The following SEMA3E variants were observed in gnomAD, a reference collection of about 807,000 sequenced individuals.
SEMA3E encodes semaphorin 3E.
Under a neutral mutation model 93.6 loss-of-function variants are expected in SEMA3E, and 49 were observed. The observed-to-expected ratio is 0.52, with a 90% CI of 0.42 to 0.66. The LOEUF is 0.66. Ranked by LOEUF, SEMA3E falls within the 30% of genes least tolerant of loss-of-function variation. The pLI, the probability that SEMA3E is intolerant of heterozygous loss-of-function variation, is 0.00. For missense variants in SEMA3E, 906 were observed against 964.8 expected (o/e 0.94, Z 0.81); for synonymous variants, 363 against 330.7 (o/e 1.10, Z -1.06).
chr7:83,573,786 A>G (rs1022815712), intron 1 of SEMA3E, among the ~76,000 whole-genome samples: 1 of 151,970 alleles, frequency 6.6e-6, no homozygotes, highest in Non-Finnish European at 1.5e-5. Context: ...AATAAAAATA[A>G]CTGCTTATTA....
chr7:83,379,290 G>C (rs1265400170), intron 16 of SEMA3E, among the ~76,000 whole-genome samples: 4 of 151,372 alleles, frequency 2.6e-5, no homozygotes, highest in African/African-American at 9.7e-5. Context: ...TACCTATTGG[G>C]TATAATGCTC....
At chr7:83,642,486 TG>T (rs1794026587) in intron 1 of SEMA3E, among the ~76,000 whole-genome samples, 1 of 152,146 alleles carries the variant, frequency 6.6e-6, no homozygotes, top group South Asian at 2.1e-4. Flanking sequence ...AAATGTGGTA[TG>T]GACATGTCCT....
At chr7:83,581,556 T>C (rs1029295962) in intron 1 of SEMA3E, among the ~76,000 whole-genome samples, 9 of 152,054 alleles carry the variant, frequency 5.9e-5, no homozygotes, top group African/African-American at 2.2e-4. Flanking sequence ...TTTAAACTAC[T>C]ATTTGTTGGT....
chr7:83,642,751 C>G (rs1794031056), intron 1 of SEMA3E, among the ~76,000 whole-genome samples: 1 of 151,908 alleles, frequency 6.6e-6, no homozygotes, highest in African/African-American at 2.4e-5. Context: ...AACTTATGGC[C>G]CTGTCTATTA....
intron 1 of SEMA3E, among the ~76,000 whole-genome samples, chr7:83,539,902 G>A (rs1293214062): frequency 3.5e-5 from 1 of 28,248 alleles, no homozygotes; most frequent in Non-Finnish European, 1.2e-4. Flanking sequence ...TGTGTTTGAA[G>A]TGGAGTCTCA....
At chr7:83,464,169 A>G (rs1294635853) in intron 4 of SEMA3E, among the ~76,000 whole-genome samples, 1 of 152,054 alleles carries the variant, frequency 6.6e-6, no homozygotes, top group East Asian at 1.9e-4. Flanking sequence ...CAAGAAAAGT[A>G]GAATGGACTA....
chr7:83,501,914 T>A (rs1790604690), intron 1 of SEMA3E, among the ~76,000 whole-genome samples: 1 of 152,342 alleles, frequency 6.6e-6, no homozygotes, highest in Non-Finnish European at 1.5e-5. Context: ...TTTAAGTTTT[T>A]CAAATATGAC....
chr7:83,454,163 C>A (rs1789425524), intron 4 of SEMA3E, among the ~76,000 whole-genome samples: 1 of 147,120 alleles, frequency 6.8e-6, no homozygotes, highest in Non-Finnish European at 1.5e-5. Flanking sequence ...GAGGCTGAGG[C>A]AGGAGAATTG....
At chr7:83,382,174 T>C (rs1054951299) in intron 16 of SEMA3E, among the ~76,000 whole-genome samples, 2 of 152,052 alleles carry the variant, frequency 1.3e-5, no homozygotes, top group African/African-American at 4.8e-5. Context: ...TGTGTTTTAG[T>C]AGAAATTACA....
chr7:83,638,349 GT>G (rs1443203495), intron 1 of SEMA3E, among the ~76,000 whole-genome samples: 1 of 152,100 alleles, frequency 6.6e-6, no homozygotes, highest in East Asian at 1.9e-4. Flanking sequence ...GGATGAAGTG[GT>G]AAGCGACATC....
intron 1 of SEMA3E, among the ~76,000 whole-genome samples, chr7:83,572,839 A>G (rs945080966): frequency 6.6e-6 from 1 of 152,166 alleles, no homozygotes; most frequent in Non-Finnish European, 1.5e-5. Context: ...ATAAAACTGG[A>G]CATCTATTTT....
chr7:83,613,017 A>T (rs1584364352), intron 1 of SEMA3E, among the ~76,000 whole-genome samples: 2 of 152,250 alleles, frequency 1.3e-5, no homozygotes, highest in East Asian at 3.9e-4. Flanking sequence ...ATTTAAATAC[A>T]TTTAAATAAT....
chr7:83,597,608 C>T (rs1792904939), intron 1 of SEMA3E, among the ~76,000 whole-genome samples: 1 of 152,200 alleles, frequency 6.6e-6, no homozygotes, highest in South Asian at 2.1e-4. Context: ...TGCTCATTTT[C>T]AGTCAGCAAT....
intron 1 of SEMA3E, among the ~76,000 whole-genome samples, chr7:83,490,563 A>G (rs1231580518): frequency 5.3e-5 from 8 of 152,166 alleles, no homozygotes; most frequent in Middle Eastern, 3.4e-3. Context: ...GGTGAAAGTC[A>G]TTTTACAGCT....
At chr7:83,648,362 T>A (rs1001092189) in intron 1 of SEMA3E, 66 bp downstream of exon 1, 36 of 1,276,416 alleles carry the variant, frequency 2.8e-5, no homozygotes, top group Non-Finnish European at 3.8e-5. Context: ...TTAAACGACT[T>A]TTTTTTTCTT....
chr7:83,387,949 A>T (rs960878053), intron 14 of SEMA3E, among the ~76,000 whole-genome samples: 5 of 146,862 alleles, frequency 3.4e-5, no homozygotes, highest in Non-Finnish European at 7.5e-5. Context: ...TCGAATATAT[A>T]AAATATTATA....
At chr7:83,478,490 T>C (rs1228897563) in intron 2 of SEMA3E, among the ~76,000 whole-genome samples, 5 of 152,164 alleles carry the variant, frequency 3.3e-5, no homozygotes, top group African/African-American at 7.2e-5. Context: ...TTTTAGGAAG[T>C]CTTAGTAATT....
rs563183443 is a variant in SEMA3E, at chr7:83,458,975, A to G, written c.456+7507T>C. ...TATATGTGTGTGTGTGTGTGTGTGTATATATATATATACACACACTGAAGG... is the reference window on the plus strand; with the variant it reads ...TATATGTGTGTGTGTGTGTGTGTGTGTATATATATATACACACACTGAAGG... On this transcript the variant is annotated intron_variant, in intron 4 of 16. Coordinates refer to ENST00000643230, the MANE Select transcript of SEMA3E (RefSeq NM_012431.3). Among the ~76,000 whole-genome samples the G allele has an allele frequency of 7.7e-3, 936 of 122,136 alleles. 6 individuals carry two copies. Among genetic ancestry groups the G allele is most frequent in the African/African-American group, 0.024 (821 of 33,900 alleles). The allele number at this position is 122,136 out of a possible 152,430, so 80.1% of individuals were successfully genotyped here. A position where few individuals can be genotyped will look rare whatever the true frequency, so the allele number is the denominator to read the frequency against.
chr7:83,535,636 T>G (rs1476141523), intron 1 of SEMA3E, among the ~76,000 whole-genome samples: 1 of 152,138 alleles, frequency 6.6e-6, no homozygotes, highest in Non-Finnish European at 1.5e-5. Context: ...AAGCTGCATG[T>G]TTATACCTTT....
Sources: gnomAD v4.1 joint callset for allele counts (sites outside exome capture counted in the v4.1 genomes callset) on GRCh38, gnomAD v4.1.1 for gene constraint, MANE v1.5 for transcripts, NCBI Gene and HGNC (gene_info 2026-07-23, HGNC 2026-07-21) for gene names.